The following KCNG3 variants were observed in gnomAD, a reference collection of about 807,000 sequenced individuals.
The protein encoded by KCNG3 is voltage-gated potassium channel regulatory subunit KCNG3.
Under a neutral mutation model 29.0 loss-of-function variants are expected in KCNG3, and 15 were observed. That is an observed-to-expected ratio of 0.52 (90% CI 0.35 to 0.80). The LOEUF (loss-of-function observed/expected upper bound fraction) is 0.80, where lower values mean the gene tolerates loss of function less well. KCNG3 is among the 30% of genes least tolerant of loss of function. The pLI is 0.01. For synonymous variants in KCNG3, 322 were observed against 248.9 expected (o/e 1.29, Z -2.76); for missense variants, 512 against 605.7 (o/e 0.85, Z 1.62).
Position 42,442,099 on chromosome 2 carries a change from A to T in KCNG3, c.*1835T>A, listed in dbSNP as rs1251759156. On this transcript the variant is annotated 3_prime_UTR_variant, in exon 2 of 2. Transcript: ENST00000306078. ...TGCATGAACCACAAAGCTTTAATCC[A>T]AATAGTTAAGAAAAAATAAATCCAT... 1 of 152,148 alleles carries T rather than the reference A, an allele frequency of 6.6e-6. No individual in the cohort carries two copies. Among genetic ancestry groups the T allele is most frequent in the East Asian group, 1.9e-4 (1 of 5,202 alleles). The allele number at this position is 152,148 out of a possible 1,614,324, so 9.4% of individuals were successfully genotyped here. A position where few individuals can be genotyped will look rare whatever the true frequency, so the allele number is the denominator to read the frequency against.
At chr2:42,409,494 A>C in the KCNG3 span, among the ~76,000 whole-genome samples, 1 of 151,966 alleles carries the variant, frequency 6.6e-6, no homozygotes, top group South Asian at 2.1e-4. Flanking sequence ...GCTTGAGCTC[A>C]GGAGTTTGAG....
At chr2:42,426,161 T>C in the KCNG3 span, among the ~76,000 whole-genome samples, 3 of 152,182 alleles carry the variant, frequency 2.0e-5, no homozygotes, top group African/African-American at 4.8e-5. Flanking sequence ...CATTTAAAGA[T>C]ACTATTAAAG....
At position 42,476,614 on chromosome 2, in the gene KCNG3, G is replaced by T. The variant is rs188209337; in HGVS notation, c.665+16223C>A. On this transcript the variant is annotated intron_variant, in intron 1 of 1. Coordinates refer to ENST00000306078, the MANE Select transcript of KCNG3 (RefSeq NM_133329.6). Reference sequence around the variant, plus strand: ...AGATTCTCATGCCTAAGCCTCCCAAGTAGCTGGGGTTATAGGCGCACACCA... The same window carrying T: ...AGATTCTCATGCCTAAGCCTCCCAATTAGCTGGGGTTATAGGCGCACACCA... Among the ~76,000 whole-genome samples, 207 of 151,878 alleles carry T rather than the reference G, an allele frequency of 1.4e-3. 1 individual carries two copies. The highest frequency in any genetic ancestry group is 4.3e-3 in the Admixed American group (65 of 15,264).
intron 1 of KCNG3, among the ~76,000 whole-genome samples, chr2:42,477,384 T>TACACACAC (rs1210187032): frequency 0.033 from 3,311 of 101,820 alleles, 96 homozygotes; most frequent in East Asian, 0.063. Context: ...CACACACATA[T>TACACACAC]ATATACACAC....
rs571256733 is a variant in KCNG3, at chr2:42,445,541, T to A, written c.666-962A>T. 2.0e-5 allele frequency among the ~76,000 whole-genome samples: 3 copies of A among 152,302 alleles called. No homozygotes were observed. The South Asian group carries it at 6.2e-4, about 32-fold the overall frequency. ...AGAAACGAGGCCGAGGACTCCCACA[T>A]TGGAGCAAAATGGCCGCTAGGATTT... On this transcript the variant is annotated intron_variant, in intron 1 of 1. Coordinates refer to ENST00000306078, the MANE Select transcript of KCNG3 (RefSeq NM_133329.6).
At chr2:42,474,326 G>A (rs761909676) in intron 1 of KCNG3, among the ~76,000 whole-genome samples, 4 of 152,040 alleles carry the variant, frequency 2.6e-5, no homozygotes, top group East Asian at 1.9e-4. Flanking sequence ...TCAGGAGTTC[G>A]AGACCAGCCT....
intron 1 of KCNG3, among the ~76,000 whole-genome samples, chr2:42,450,151 A>G (rs1208584856): frequency 6.6e-6 from 1 of 152,218 alleles, no homozygotes; most frequent in Non-Finnish European, 1.5e-5. Flanking sequence ...GCAGCAGCCA[A>G]AGTTGTTATG....
chr2:42,437,026 C>T (rs570309667), downstream of KCNG3, among the ~76,000 whole-genome samples: 1 of 152,248 alleles, frequency 6.6e-6, no homozygotes, highest in African/African-American at 2.4e-5. Context: ...ACATATCTAC[C>T]ATTAGGTAAA....
At chr2:42,473,141 C>A (rs1456060392) in intron 1 of KCNG3, among the ~76,000 whole-genome samples, 8 of 151,860 alleles carry the variant, frequency 5.3e-5, no homozygotes, top group Admixed American at 5.3e-4. Context: ...CATGATCCAC[C>A]TGCCTCGGCC....
chr2:42,392,395 G>A, the KCNG3 span, among the ~76,000 whole-genome samples: 4 of 152,066 alleles, frequency 2.6e-5, 1 homozygote, highest in Admixed American at 2.6e-4. Flanking sequence ...TGGGTGTCAG[G>A]GAGTGGGTAA....
chr2:42,423,902 G>A, the KCNG3 span, among the ~76,000 whole-genome samples: 1 of 151,628 alleles, frequency 6.6e-6, no homozygotes, highest in African/African-American at 2.4e-5. Flanking sequence ...TGTCTAGTAT[G>A]TGGATTATAC....
In KCNG3 at chr2:42,466,084, A is replaced by G. The variant is rs1572852549; in HGVS notation, c.666-21505T>C. Reference sequence around the variant, plus strand: ...AAGATTATAATACTGCATTTTTACTATACCTTTTCTCTGTTTAGGTATGTT... The same window carrying G: ...AAGATTATAATACTGCATTTTTACTGTACCTTTTCTCTGTTTAGGTATGTT... On this transcript the variant is annotated intron_variant, in intron 1 of 1. Coordinates refer to ENST00000306078, the MANE Select transcript of KCNG3 (RefSeq NM_133329.6). 2.0e-5 allele frequency among the ~76,000 whole-genome samples: 3 copies of G among 152,280 alleles called. No individual in the cohort carries two copies. The South Asian group carries it at 6.2e-4, about 32-fold the overall frequency.
At chr2:42,397,205 T>A in the KCNG3 span, among the ~76,000 whole-genome samples, 1 of 150,590 alleles carries the variant, frequency 6.6e-6, no homozygotes, top group African/African-American at 2.4e-5. Flanking sequence ...GATCGCACCA[T>A]TGCACTCCAG....
intron 1 of KCNG3, among the ~76,000 whole-genome samples, chr2:42,450,551 C>T (rs1450268112): frequency 2.0e-5 from 3 of 152,216 alleles, no homozygotes; most frequent in Non-Finnish European, 2.9e-5. Flanking sequence ...ACTAAAGATA[C>T]ATCACATTCC....
At chr2:42,411,676 T>C in the KCNG3 span, among the ~76,000 whole-genome samples, 1 of 152,122 alleles carries the variant, frequency 6.6e-6, no homozygotes, top group Non-Finnish European at 1.5e-5. Context: ...AGAGACAGGG[T>C]TTTGCCATGT....
intron 1 of KCNG3, among the ~76,000 whole-genome samples, chr2:42,453,468 C>G (rs112087825): frequency 1.3e-5 from 2 of 152,156 alleles, no homozygotes; most frequent in Non-Finnish European, 2.9e-5. Flanking sequence ...TGAGCACGCA[C>G]CTTTTCCATA....
chr2:42,470,226 G>A (rs1265241489), intron 1 of KCNG3: 3 of 415,400 alleles, frequency 7.2e-6, no homozygotes, highest in African/African-American at 4.2e-5. Flanking sequence ...CCTCCCAATT[G>A]GAAATATGAG....
At chr2:42,398,577 T>C in the KCNG3 span, among the ~76,000 whole-genome samples, 5 of 152,204 alleles carry the variant, frequency 3.3e-5, no homozygotes, top group African/African-American at 4.8e-5. Context: ...TTGTTATTAA[T>C]TCTGAAACGG....
At chr2:42,420,061 T>C in the KCNG3 span, among the ~76,000 whole-genome samples, 1 of 151,842 alleles carries the variant, frequency 6.6e-6, no homozygotes, top group East Asian at 1.9e-4. Flanking sequence ...CTATCTCTAC[T>C]AAAAATACAA....
Sources: allele counts gnomAD v4.1 joint callset (sites outside exome capture counted in the v4.1 genomes callset), GRCh38; gene constraint gnomAD v4.1.1; transcripts MANE v1.5; gene names NCBI Gene and HGNC (gene_info 2026-07-23, HGNC 2026-07-21).